Variants in GRM5 observed in about 807,000 individuals in gnomAD.
GRM5 encodes metabotropic glutamate receptor 5.
A neutral mutation model predicts 83.1 loss-of-function variants in GRM5; 19 were observed. That is an observed-to-expected ratio of 0.23 (90% CI 0.16 to 0.34). The LOEUF (loss-of-function observed/expected upper bound fraction) is 0.34, where lower values mean the gene tolerates loss of function less well. GRM5 is among the 10% of genes least tolerant of loss of function. The pLI, the probability that GRM5 is intolerant of heterozygous loss-of-function variation, is 1.00. For missense variants in GRM5, 1,160 were observed against 1,588.3 expected (o/e 0.73, Z 4.58); for synonymous variants, 675 against 633.6 (o/e 1.07, Z -0.98).
intron 2 of GRM5, among the ~76,000 whole-genome samples, chr11:88,873,370 A>T (rs1944800855): frequency 6.6e-6 from 1 of 151,638 alleles, no homozygotes; most frequent in Non-Finnish European, 1.5e-5. Context: ...AACCTAATAA[A>T]TGTTTACAGA....
intron 8 of GRM5, among the ~76,000 whole-genome samples, chr11:88,565,267 C>G (rs1942851364): frequency 6.6e-6 from 1 of 152,314 alleles, no homozygotes; most frequent in South Asian, 2.1e-4. Context: ...CTACTATGTG[C>G]CAGCCATTAC....
chr11:88,595,211 G>C (rs961164011), intron 6 of GRM5, among the ~76,000 whole-genome samples: 1 of 152,040 alleles, frequency 6.6e-6, no homozygotes, highest in South Asian at 2.1e-4. Context: ...AGGGTAATTA[G>C]CATAGCCATC....
At chr11:88,911,814 G>T (rs1407364571) in intron 2 of GRM5, 1 of 306,886 alleles carries the variant, frequency 3.3e-6, no homozygotes, top group African/African-American at 2.2e-5. Context: ...AAATACAGTG[G>T]TTTTACTTTC....
intron 3 of GRM5, among the ~76,000 whole-genome samples, chr11:88,722,015 C>T (rs1334743539): frequency 2.6e-5 from 4 of 151,986 alleles, no homozygotes; most frequent in African/African-American, 9.7e-5. Context: ...ACACATGGCC[C>T]GACACTGGGT....
chr11:88,907,483 ACAGAG>A (rs533367088), intron 2 of GRM5, among the ~76,000 whole-genome samples: 79 of 152,310 alleles, frequency 5.2e-4, no homozygotes, highest in African/African-American at 1.9e-3. Context: ...TTTTATCAAA[ACAGAG>A]CAGAGTTTGG....
intron 3 of GRM5, among the ~76,000 whole-genome samples, chr11:88,784,002 TA>T (rs1943021952): frequency 6.6e-6 from 1 of 151,986 alleles, no homozygotes; most frequent in Admixed American, 6.6e-5. Context: ...CATACCAGCT[TA>T]TAGGAGCCGA....
chr11:88,980,905 C>T (rs1439928676), intron 2 of GRM5, among the ~76,000 whole-genome samples: 2 of 151,550 alleles, frequency 1.3e-5, no homozygotes, highest in East Asian at 3.9e-4. Flanking sequence ...ATTGTTTGGA[C>T]AAATGGTGAT....
chr11:88,938,552 A>T (rs1490130882), intron 2 of GRM5, among the ~76,000 whole-genome samples: 70 of 147,864 alleles, frequency 4.7e-4, no homozygotes, highest in African/African-American at 1.6e-3. Context: ...GTATTACTTC[A>T]TTTTTTTTTT....
chr11:88,759,965 C>A (rs1942477346), intron 3 of GRM5, among the ~76,000 whole-genome samples: 1 of 152,040 alleles, frequency 6.6e-6, no homozygotes, highest in South Asian at 2.1e-4. Flanking sequence ...ATAATGTGCT[C>A]CTGAATGACT....
chr11:89,020,737 A>G (rs1165026370), intron 2 of GRM5, among the ~76,000 whole-genome samples: 2 of 152,188 alleles, frequency 1.3e-5, no homozygotes, highest in African/African-American at 4.8e-5. Context: ...ATATTATTCT[A>G]TGTTAAAAAT....
chr11:88,646,311 TTTTAA>T (rs1464740575), intron 4 of GRM5, among the ~76,000 whole-genome samples: 1 of 151,982 alleles, frequency 6.6e-6, no homozygotes, highest in Non-Finnish European at 1.5e-5. Context: ...TTCTTATTAC[TTTTAA>T]TTTATTATTA....
At chr11:88,655,945 A>C (rs1939757861) in intron 3 of GRM5, among the ~76,000 whole-genome samples, 1 of 152,142 alleles carries the variant, frequency 6.6e-6, no homozygotes, top group South Asian at 2.1e-4. Context: ...GCTAAATTAG[A>C]GGGTGCTGTA....
At chr11:88,651,026 G>A (rs2135303013) in intron 4 of GRM5, among the ~76,000 whole-genome samples, 1 of 152,130 alleles carries the variant, frequency 6.6e-6, no homozygotes, top group East Asian at 1.9e-4. Context: ...GGGGGGGATG[G>A]ACTAAGTGGT....
chr11:88,985,212 G>A (rs1257145355), intron 2 of GRM5, among the ~76,000 whole-genome samples: 1 of 151,922 alleles, frequency 6.6e-6, no homozygotes, highest in South Asian at 2.1e-4. Flanking sequence ...AATCCTAAAG[G>A]TTAGATGCCA....
intron 3 of GRM5, among the ~76,000 whole-genome samples, chr11:88,778,275 A>T (rs897077093): frequency 2.0e-5 from 3 of 152,250 alleles, no homozygotes; most frequent in African/African-American, 7.2e-5. Flanking sequence ...CATGGGAGAG[A>T]ATCACCTTGT....
intron 9 of GRM5, among the ~76,000 whole-genome samples, chr11:88,516,628 T>C (rs968659155): frequency 4.6e-5 from 7 of 152,178 alleles, no homozygotes; most frequent in Non-Finnish European, 8.8e-5. Flanking sequence ...GGGATGTTAG[T>C]TATGAGGCTT....
At chr11:88,792,264 C>T (rs1591519406) in intron 3 of GRM5, among the ~76,000 whole-genome samples, 1 of 152,160 alleles carries the variant, frequency 6.6e-6, no homozygotes. Flanking sequence ...ATTTCATGCA[C>T]AGATGAGTCT....
At chr11:88,750,327 C>A (rs998435419) in intron 3 of GRM5, among the ~76,000 whole-genome samples, 8 of 152,106 alleles carry the variant, frequency 5.3e-5, no homozygotes, top group African/African-American at 1.2e-4. Flanking sequence ...CAACAAAGAT[C>A]AAAAATGACA....
chr11:88,654,581 C>A (rs1939719923), intron 3 of GRM5, among the ~76,000 whole-genome samples: 1 of 151,996 alleles, frequency 6.6e-6, no homozygotes, highest in Non-Finnish European at 1.5e-5. Flanking sequence ...GAAGAACAGA[C>A]TAGAGCCTCC....
Sources: allele counts gnomAD v4.1 joint callset (sites outside exome capture counted in the v4.1 genomes callset), GRCh38; gene constraint gnomAD v4.1.1; transcripts MANE v1.5; gene names NCBI Gene and HGNC (gene_info 2026-07-23, HGNC 2026-07-21).